The following FAAH variants were observed in gnomAD, a reference collection of about 807,000 sequenced individuals.
The protein encoded by FAAH is fatty-acid amide hydrolase 1.
FAAH carries 63 observed loss-of-function variants against 69.7 expected under a neutral mutation model. The ratio of observed to expected loss-of-function variants is 0.90; its 90% CI spans 0.74 to 1.12. FAAH has a LOEUF of 1.12. Among genes scored for constraint, FAAH ranks in the 50% most tolerant of loss-of-function variants. The pLI, the probability that FAAH is intolerant of heterozygous loss-of-function variation, is 0.00. For missense variants in FAAH, 680 were observed against 755.0 expected (o/e 0.90, Z 1.16); for synonymous variants, 305 against 324.2 (o/e 0.94, Z 0.64).
Position 46,394,332 on chromosome 1 carries a change from A to T in FAAH, c.-17A>T. 6.4e-7 allele frequency: 1 copy of T among 1,553,470 alleles called. No homozygotes were observed. On this transcript the variant is annotated 5_prime_UTR_variant, in exon 1 of 15. Coordinates refer to ENST00000243167, the MANE Select transcript of FAAH (RefSeq NM_001441.3). ...GGCTTCAACTGTCGCGGTAGGCAGC[A>T]GCAGGCTGAAGGGATCATGGTGCAG...
At chr1:46,399,515 G>A (rs1001796348) in intron 1 of FAAH, among the ~76,000 whole-genome samples, 9 of 152,352 alleles carry the variant, frequency 5.9e-5, no homozygotes, top group South Asian at 4.1e-4. Context: ...TGTGCTGAGC[G>A]TGGAGGGGAG....
At chr1:46,398,479 G>A (rs777972857) in intron 1 of FAAH, among the ~76,000 whole-genome samples, 72 of 152,174 alleles carry the variant, frequency 4.7e-4, no homozygotes, top group Non-Finnish European at 8.8e-5. Flanking sequence ...AGAACACAGC[G>A]ATTTGTAGTA....
At chr1:46,395,720 G>A (rs1036255186) in intron 1 of FAAH, among the ~76,000 whole-genome samples, 38 of 152,204 alleles carry the variant, frequency 2.5e-4, no homozygotes, top group Non-Finnish European at 2.1e-4. Context: ...CAGATGTTCC[G>A]CAAGTGATTT....
chr1:46,401,567 G>A (rs1664704115), intron 1 of FAAH, among the ~76,000 whole-genome samples: 1 of 152,152 alleles, frequency 6.6e-6, no homozygotes, highest in Admixed American at 6.5e-5. Context: ...TGCTCTGTGG[G>A]TGTGGGGATG....
chr1:46,406,023 A>T lies in FAAH; in HGVS notation c.786-15A>T. 6.2e-7 allele frequency: 1 copy of T among 1,613,900 alleles called. No homozygotes were observed. Among genetic ancestry groups the T allele is most frequent in the Non-Finnish European group, 8.5e-7 (1 of 1,179,974 alleles). ...GGCCATTTCCTGTTTCCAGCATCTT[A>T]TGTTTCTTATCCAGCAAGAGTGGCC... On this transcript the variant is annotated splice_polypyrimidine_tract_variant and intron_variant, in intron 5 of 14. Transcript: ENST00000243167.
intron 1 of FAAH, among the ~76,000 whole-genome samples, chr1:46,399,064 G>T (rs1337306825): frequency 6.6e-6 from 1 of 152,186 alleles, no homozygotes; most frequent in East Asian, 1.9e-4. Flanking sequence ...GAATAGTATA[G>T]CTGGGAGAGA....
rs199940877 is a variant in FAAH, at chr1:46,413,610, C to T, written c.*35C>T. 2.5e-4 allele frequency: 399 copies of T among 1,613,764 alleles called. 6 individuals carry two copies. The Middle Eastern group carries it at 5.3e-3, about 21-fold the overall frequency. ...CTCCAGAGGACCTGAGACTCACACTCTCTGCAGCCCAGCCTAGTCAGGGCA... is the reference window on the plus strand; with the variant it reads ...CTCCAGAGGACCTGAGACTCACACTTTCTGCAGCCCAGCCTAGTCAGGGCA... On this transcript the variant is annotated 3_prime_UTR_variant, in exon 15 of 15. Coordinates refer to ENST00000243167, the MANE Select transcript of FAAH (RefSeq NM_001441.3).
intron 1 of FAAH, among the ~76,000 whole-genome samples, 167 bp from the exon 2 acceptor site, chr1:46,401,924 C>T (rs1432434039): frequency 6.6e-6 from 1 of 152,152 alleles, no homozygotes; most frequent in Non-Finnish European, 1.5e-5. Context: ...TCGCTGGGCA[C>T]CCCTTCAACA....
rs324420 is a variant in FAAH at position 46,405,089 on chromosome 1, C to A, written c.385C>A (p.Pro129Thr). 0.22 allele frequency: 354,113 copies of A among 1,613,776 alleles called. 41,065 individuals carry two copies. Among genetic ancestry groups the A allele is most frequent in the African/African-American group, 0.36 (27,059 of 74,958 alleles). ...CTGTGAGACTCAGCTGTCTCAGGCC[C>A]CAAGGCAGGGCCTGCTCTATGGCGT... The part of the protein sequence containing the change: ...ADCETQLSQA[P>T]RQGLLYGVPV... Residue 129 changes from proline to threonine, a missense_variant, in exon 3 of 15, where the codon CCA (proline) becomes ACA (threonine). Pro to Thr is a conservative substitution (Grantham distance 38). Transcript: ENST00000243167. This position sits in a 1 kb window ranked among gnomAD's most constrained non-coding sequence, Gnocchi z 4.1.
rs542298708 is a variant in FAAH, at chr1:46,394,590, C to A, written c.195+47C>A. On this transcript the variant is annotated intron_variant, in intron 1 of 14. Coordinates refer to ENST00000243167, the MANE Select transcript of FAAH (RefSeq NM_001441.3). ...GATGGGCGCGGCCTGAGGGTACTCGCAGCGGCACTTTCAGCCGCCGGACCC... is the reference window on the plus strand; with the variant it reads ...GATGGGCGCGGCCTGAGGGTACTCGAAGCGGCACTTTCAGCCGCCGGACCC... 1.9e-4 allele frequency: 242 copies of A among 1,279,168 alleles called. 1 individual carries two copies. The African/African-American group carries it at 3.2e-3, about 17-fold the overall frequency. 79.2% of individuals were successfully genotyped at this position (1,279,168 alleles called of 1,614,324 possible). A position where few individuals can be genotyped will look rare whatever the true frequency, so the allele number is the denominator to read the frequency against.
rs1246263189 is a variant in FAAH, at chr1:46,404,668, TG to T, written c.310-344del. On this transcript the variant is annotated intron_variant, in intron 2 of 14. Transcript: ENST00000243167. The surrounding 1 kb of genome is among the most constrained non-coding windows in gnomAD (Gnocchi z 4.5). ...TCTGTCTGCCTCACTGGCAGAGATG[TG>T]GCTTGGGGGAGGTGAGGGAGTGGCC... Among the ~76,000 whole-genome samples, 11 of 152,306 alleles carry T rather than the reference TG, an allele frequency of 7.2e-5. No homozygotes were observed. The highest frequency in any genetic ancestry group is 2.0e-4 in the Admixed American group (3 of 15,304).
intron 7 of FAAH, among the ~76,000 whole-genome samples, chr1:46,407,124 T>C (rs1569818637): frequency 6.6e-6 from 1 of 151,742 alleles, no homozygotes; most frequent in Admixed American, 6.5e-5. Context: ...GCAAGCAGCG[T>C]GGTGTGCTGC....
chr1:46,412,112 G>A (rs925943287), intron 12 of FAAH, 31 bp from the exon 13 acceptor site: 1 of 1,539,572 alleles, frequency 6.5e-7, no homozygotes, highest in Non-Finnish European at 8.8e-7. Context: ...AGGTCTGAGT[G>A]CTTTCACCTG....
intron 1 of FAAH, among the ~76,000 whole-genome samples, chr1:46,398,539 C>CTTTTTT (rs549332217): frequency 0.2 from 28,210 of 144,368 alleles, 3,337 homozygotes; most frequent in Non-Finnish European, 0.28. Flanking sequence ...AACCAAGATT[C>CTTTTTT]TTTTTTTTTT....
intron 1 of FAAH, among the ~76,000 whole-genome samples, chr1:46,400,700 C>T (rs1201218010): frequency 6.9e-6 from 1 of 145,880 alleles, no homozygotes; most frequent in Non-Finnish European, 1.5e-5. Flanking sequence ...CAGGAATAGC[C>T]CAGTGAGCTG....
chr1:46,412,117 C>T (rs1664926700), intron 12 of FAAH, 26 bp from the exon 13 acceptor site: 2 of 1,546,544 alleles, frequency 1.3e-6, no homozygotes, highest in East Asian at 4.9e-5. Context: ...TGAGTGCTTT[C>T]ACCTGGTGTG....
intron 1 of FAAH, among the ~76,000 whole-genome samples, chr1:46,399,484 A>T (rs1664658702): frequency 6.6e-6 from 1 of 152,248 alleles, no homozygotes; most frequent in Non-Finnish European, 1.5e-5. Context: ...ACAGGCAAGA[A>T]CATAGGAAAG....
Position 46,413,783 on chromosome 1 carries a change from C to CA in FAAH, c.*209dup, listed in dbSNP as rs1237780036. The CA allele has an allele frequency of 3.5e-5, 23 of 658,872 alleles. No individual in the cohort carries two copies. Among genetic ancestry groups the CA allele is most frequent in the Middle Eastern group, 4.3e-4 (1 of 2,318 alleles). 40.8% of individuals were successfully genotyped at this position (658,872 alleles called of 1,614,324 possible). ...TCCCCTCTCTTCGTCCTGATCCCTC[C>CA]ACCCCCATGTGGCAGCCCATGGGTA... is the stretch of plus-strand genomic sequence containing the variant. On this transcript the variant is annotated 3_prime_UTR_variant, in exon 15 of 15. Coordinates refer to ENST00000243167, the MANE Select transcript of FAAH (RefSeq NM_001441.3).
At position 46,395,610 on chromosome 1, in the gene FAAH, G is replaced by T. The variant is rs185008559; in HGVS notation, c.195+1067G>T. Among the ~76,000 whole-genome samples the T allele has an allele frequency of 1.1e-3, 162 of 152,334 alleles. 1 individual carries two copies. Among genetic ancestry groups the T allele is most frequent in the African/African-American group, 3.6e-3 (150 of 41,570 alleles). ...AGAGGGAGGGCTTGCTGTATCTGTGGGACCTGACAGGTGGGAAGGCTTTAC... is the reference window on the plus strand; with the variant it reads ...AGAGGGAGGGCTTGCTGTATCTGTGTGACCTGACAGGTGGGAAGGCTTTAC... On this transcript the variant is annotated intron_variant, in intron 1 of 14. Transcript: ENST00000243167.
Sources: allele counts gnomAD v4.1 joint callset (sites outside exome capture counted in the v4.1 genomes callset), GRCh38; gene constraint gnomAD v4.1.1; non-coding constraint Gnocchi (gnomAD v3.1); transcripts MANE v1.5; gene names NCBI Gene and HGNC (gene_info 2026-07-23, HGNC 2026-07-21).